AMOTL2: variants seen among roughly 807,000 people sequenced by gnomAD.
AMOTL2 encodes the protein angiomotin-like protein 2.
Under a neutral mutation model 78.4 loss-of-function variants are expected in AMOTL2, and 33 were observed. The observed-to-expected ratio is 0.42, with a 90% confidence interval of 0.32 to 0.56. AMOTL2 has a LOEUF of 0.56. AMOTL2 is among the 20% of genes least tolerant of loss of function. The pLI is 0.12. For missense variants in AMOTL2, 983 were observed against 1,030.1 expected (o/e 0.95, Z 0.63); for synonymous variants, 422 against 428.8 (o/e 0.98, Z 0.20).
intron 9 of AMOTL2, 77 bp from the exon 10 acceptor site, chr3:134,357,840 G>T: frequency 6.8e-7 from 1 of 1,469,800 alleles, no homozygotes; most frequent in African/African-American, 1.4e-5. Context: ...ACATTTGAAA[G>T]ACAAAGATCG....
intron 7 of AMOTL2, 78 bp downstream of exon 7, chr3:134,360,028 A>AG (rs1382910488): frequency 2.7e-6 from 4 of 1,456,384 alleles, no homozygotes; most frequent in Non-Finnish European, 2.8e-6. Context: ...CCTGTTTATC[A>AG]GGGATCAAGG....
chr3:134,371,569 A>G (rs1576588895), intron 1 of AMOTL2, 75 bp from the exon 2 acceptor site: 1 of 1,474,308 alleles, frequency 6.8e-7, no homozygotes. Flanking sequence ...GCTTTCCAGG[A>G]TTTCCATTAT....
chr3:134,356,132 CCT>C lies in AMOTL2; in HGVS notation c.*1571_*1572del, dbSNP rs2017069572. 1 of 151,846 alleles carries C rather than the reference CCT, an allele frequency of 6.6e-6. No homozygotes were observed. The highest frequency in any genetic ancestry group is 2.1e-4 in the South Asian group (1 of 4,794). The allele number at this position is 151,846 out of a possible 1,614,324, so 9.4% of individuals were successfully genotyped here. On this transcript the variant is annotated 3_prime_UTR_variant, in exon 10 of 10. Transcript: ENST00000249883. ...TTCACAATATTTTTTGCCTTTTTTTCCTCTTTTTTCTTTTTGCTTTGTAAACA... is the reference window on the plus strand; with the variant it reads ...TTCACAATATTTTTTGCCTTTTTTTCCTTTTTTCTTTTTGCTTTGTAAACA...
chr3:134,359,286 T>C lies in AMOTL2; in HGVS notation c.2101A>G (p.Thr701Ala). The C allele has an allele frequency of 6.2e-7, 1 of 1,614,144 alleles. No individual in the cohort carries two copies. The highest frequency in any genetic ancestry group is 1.1e-5 in the South Asian group (1 of 91,086). Residue 701 changes from threonine (T) to alanine (A), a missense_variant, in exon 8 of 10, where the codon ACA (threonine) becomes GCA (alanine). By Grantham distance (58) the Thr-to-Ala change is moderately conservative. Transcript: ENST00000249883. ...CCCAGCAGTAGCCTCCTCTTACCTG[T>C]AGTCAGCCGAGCAGGGGCGTCTGCT... is the stretch of plus-strand genomic sequence containing the variant. ...QTADAPARLT[T>A]ADRAPTEEPV... is the part of the protein sequence containing the mutation.
At chr3:134,358,497 C>A in intron 9 of AMOTL2, 43 bp downstream of exon 9, 1 of 1,581,150 alleles carries the variant, frequency 6.3e-7, no homozygotes, top group Non-Finnish European at 8.6e-7. Flanking sequence ...CCCAGTGCCC[C>A]CTCGGCCCTA....
intron 7 of AMOTL2, 59 bp from the exon 8 acceptor site, chr3:134,359,562 C>T: frequency 1.4e-6 from 2 of 1,415,766 alleles, no homozygotes; most frequent in South Asian, 2.4e-5. Context: ...AGCCTCCACC[C>T]TTCCTGCCTC....
chr3:134,375,089 G>A (rs985809535), upstream of AMOTL2: 8 of 1,485,876 alleles, frequency 5.4e-6, no homozygotes, highest in Non-Finnish European at 7.2e-6. Flanking sequence ...ACCTTTGAAT[G>A]CACTTTTGTT....
rs185539056 is a variant in AMOTL2, at chr3:134,367,214, C to A, written c.1041+283G>T. ...AGGGGGTGTGTGCAGGGCAAGGGTGCGAGTGTGCAAGGAGCTGGTGAATGG... is the reference window on the plus strand; with the variant it reads ...AGGGGGTGTGTGCAGGGCAAGGGTGAGAGTGTGCAAGGAGCTGGTGAATGG... On this transcript the variant is annotated intron_variant, in intron 3 of 9. Transcript: ENST00000249883. 1.7e-3 allele frequency among the ~76,000 whole-genome samples: 256 copies of A among 152,144 alleles called. 7 individuals carry two copies. The highest frequency in any genetic ancestry group is 0.017 in the Admixed American group (253 of 15,292).
In AMOTL2 at chr3:134,361,754, G is replaced by C. The variant is rs545800849; in HGVS notation, c.1333C>G (p.Arg445Gly). ...CGCCGCTGGTCCTCGATGGCGCCGCGCAGCAGTGCCATCTCTCGCTCCAGC... is the reference window on the plus strand; with the variant it reads ...CGCCGCTGGTCCTCGATGGCGCCGCCCAGCAGTGCCATCTCTCGCTCCAGC... ...EKLEREMALLRGAIEDQRRRA... is the reference protein window; with the variant it reads ...EKLEREMALLGGAIEDQRRRA... Residue 445 changes from arginine to glycine, a missense_variant, in exon 6 of 10, where the codon CGC becomes GGC. By Grantham distance (125) the Arg-to-Gly change is moderately radical (BLOSUM62 -2). Transcript: ENST00000249883. 21 of 1,588,160 alleles carry C rather than the reference G, an allele frequency of 1.3e-5. No homozygotes were observed. The Admixed American group carries it at 2.3e-4, about 17-fold the overall frequency.
Position 134,367,721 on chromosome 3 carries a change from G to A in AMOTL2, c.817C>T (p.Pro273Ser). Residue 273 changes from proline to serine, a missense_variant, in exon 3 of 10, where the codon CCT becomes TCT. By Grantham distance (74) the Pro-to-Ser change is moderately conservative. Transcript: ENST00000249883. ...QYLQQSQEHP[P>S]PPHPAALGHG... is the part of the protein sequence containing the mutation. ...CCGAGAGCAGCTGGATGTGGGGGAG[G>A]GGGGTGCTCCTGAGATTGCTGCAGG... The A allele has an allele frequency of 1.2e-6, 2 of 1,613,756 alleles. No homozygotes were observed. The highest frequency in any genetic ancestry group is 1.7e-6 in the Non-Finnish European group (2 of 1,179,996).
chr3:134,374,497 C>T (rs915497755), upstream of AMOTL2: 8 of 985,452 alleles, frequency 8.1e-6, no homozygotes, highest in African/African-American at 1.2e-4. Context: ...GCGCCGGAGG[C>T]GGCTGCTATG....
At chr3:134,370,646 G>C in intron 2 of AMOTL2, 54 bp downstream of exon 2, 2 of 1,494,596 alleles carry the variant, frequency 1.3e-6, no homozygotes, top group African/African-American at 1.4e-5. Context: ...CTCCCTGAGA[G>C]ACCTGTGCTG....
chr3:134,374,980 C>A, upstream of AMOTL2: 4 of 1,402,232 alleles, frequency 2.9e-6, no homozygotes, highest in Non-Finnish European at 3.7e-6. Flanking sequence ...GCAAAGACAT[C>A]CATATCCTCT....
chr3:134,375,163 A>T (rs756961452), upstream of AMOTL2: 32 of 1,534,350 alleles, frequency 2.1e-5, no homozygotes, highest in South Asian at 3.8e-4. Flanking sequence ...TGGGTTGGAA[A>T]ATCCGGTCAA....
intron 5 of AMOTL2, among the ~76,000 whole-genome samples, chr3:134,364,848 C>G (rs554493614): frequency 6.6e-6 from 1 of 152,284 alleles, no homozygotes; most frequent in South Asian, 2.1e-4. Flanking sequence ...TTCCACTTCT[C>G]TGCAAACACC....
chr3:134,371,738 C>T (rs140305009), intron 1 of AMOTL2: 7 of 536,922 alleles, frequency 1.3e-5, no homozygotes, highest in Admixed American at 1.1e-4. Flanking sequence ...CTGCTTGACT[C>T]ATGGAGATGA....
Position 134,357,545 on chromosome 3 carries a change from G to C in AMOTL2, c.*160C>G. 2 of 744,144 alleles carry C rather than the reference G, an allele frequency of 2.7e-6. No individual in the cohort carries two copies. Among genetic ancestry groups the C allele is most frequent in the Non-Finnish European group, 4.8e-6 (2 of 420,334 alleles). The allele number at this position is 744,144 out of a possible 1,614,324, so 46.1% of individuals were successfully genotyped here. On this transcript the variant is annotated 3_prime_UTR_variant, in exon 10 of 10. Coordinates refer to ENST00000249883, the MANE Select transcript of AMOTL2 (RefSeq NM_016201.4). ...TCTCACAGCTCTCCTCTCCCCTGGG[G>C]TCCTCCTCCTGAGCTCCTGGGACCA...
intron 3 of AMOTL2, 108 bp from the exon 4 acceptor site, chr3:134,366,535 A>G (rs1576582612): frequency 8.5e-7 from 1 of 1,174,440 alleles, no homozygotes; most frequent in Non-Finnish European, 1.2e-6. Flanking sequence ...AGAGGCCACC[A>G]AACAGGAGCA....
chr3:134,361,189 A>G (rs1469298768), intron 6 of AMOTL2, among the ~76,000 whole-genome samples: 1 of 151,356 alleles, frequency 6.6e-6, no homozygotes, highest in Non-Finnish European at 1.5e-5. Context: ...AAAAGCTCGC[A>G]GGCCTTCTAT....
Sources: allele counts gnomAD v4.1 joint callset (sites outside exome capture counted in the v4.1 genomes callset), GRCh38; gene constraint gnomAD v4.1.1; transcripts MANE v1.5; gene names NCBI Gene and HGNC (gene_info 2026-07-23, HGNC 2026-07-21).